Variants in KCNT1 observed in about 807,000 individuals in gnomAD.
KCNT1 encodes the protein potassium channel subfamily T member 1.
Under a neutral mutation model 147.8 loss-of-function variants are expected in KCNT1, and 78 were observed. The ratio of observed to expected loss-of-function variants is 0.53; its 90% CI spans 0.44 to 0.64. The LOEUF is 0.64. Ranked by LOEUF, KCNT1 falls within the 30% of genes least tolerant of loss-of-function variation. KCNT1 has a pLI of 0.00. For missense variants in KCNT1, 1,419 were observed against 1,750.3 expected (o/e 0.81, Z 3.38); for synonymous variants, 867 against 748.8 (o/e 1.16, Z -2.58).
intron 2 of KCNT1, among the ~76,000 whole-genome samples, chr9:135,721,705 T>C (rs1243144161): frequency 6.6e-6 from 1 of 152,242 alleles, no homozygotes; most frequent in Non-Finnish European, 1.5e-5. Flanking sequence ...TTCCATGTGC[T>C]TTACGGTGTC....
intron 2 of KCNT1, among the ~76,000 whole-genome samples, chr9:135,724,600 T>C (rs1182240171): frequency 6.6e-6 from 1 of 152,246 alleles, no homozygotes; most frequent in Non-Finnish European, 1.5e-5. Flanking sequence ...AAATACAGGA[T>C]GCCTGGTTAA....
At chr9:135,708,308 A>G (rs538691602) in intron 1 of KCNT1, among the ~76,000 whole-genome samples, 4 of 152,208 alleles carry the variant, frequency 2.6e-5, no homozygotes, top group African/African-American at 9.7e-5. Context: ...CATGCATGCA[A>G]TCCCATCCAC....
At chr9:135,710,806 CT>C (rs1451362162) in intron 1 of KCNT1, among the ~76,000 whole-genome samples, 1 of 152,174 alleles carries the variant, frequency 6.6e-6, no homozygotes, top group Non-Finnish European at 1.5e-5. Flanking sequence ...TAGTGATGCG[CT>C]CTTGATTGGC....
At chr9:135,739,650 A>G (rs1327592864) in intron 2 of KCNT1, among the ~76,000 whole-genome samples, 2 of 151,948 alleles carry the variant, frequency 1.3e-5, no homozygotes, top group African/African-American at 4.8e-5. Context: ...CTTGCCCCAG[A>G]TGGCCTCTCT....
At chr9:135,729,674 T>C (rs1382162875) in intron 2 of KCNT1, among the ~76,000 whole-genome samples, 2 of 152,218 alleles carry the variant, frequency 1.3e-5, no homozygotes, top group African/African-American at 4.8e-5. Flanking sequence ...ACGTGTCCGG[T>C]GGCCTCTCTG....
chr9:135,708,452 A>G (rs1453330227), intron 1 of KCNT1, among the ~76,000 whole-genome samples: 1 of 152,190 alleles, frequency 6.6e-6, no homozygotes, highest in Non-Finnish European at 1.5e-5. Flanking sequence ...TCTGTCAAAC[A>G]TGGCTCGCCC....
intron 2 of KCNT1, among the ~76,000 whole-genome samples, chr9:135,747,990 A>G (rs990866907): frequency 2.0e-5 from 3 of 152,066 alleles, no homozygotes; most frequent in Non-Finnish European, 4.4e-5. Flanking sequence ...CACCTAGGCT[A>G]GGGTGCAGTG....
chr9:135,723,519 G>T (rs180794655), intron 2 of KCNT1, among the ~76,000 whole-genome samples: 1 of 152,338 alleles, frequency 6.6e-6, no homozygotes, highest in Non-Finnish European at 1.5e-5. Flanking sequence ...TGAGCGTGTG[G>T]CTCCCGAAGG....
chr9:135,780,629 C>T (rs1833543393), intron 24 of KCNT1, among the ~76,000 whole-genome samples: 1 of 152,222 alleles, frequency 6.6e-6, no homozygotes, highest in African/African-American at 2.4e-5. Flanking sequence ...TGCTCGGGCA[C>T]CTGGTCTCAG....
chr9:135,767,056 G>A (rs759339925), intron 13 of KCNT1, among the ~76,000 whole-genome samples: 10 of 152,142 alleles, frequency 6.6e-5, no homozygotes, highest in Non-Finnish European at 1.3e-4. Context: ...GACACTCCCT[G>A]GAAAACCCTC....
At chr9:135,775,683 A>G (rs1285304441) in intron 20 of KCNT1, among the ~76,000 whole-genome samples, 1 of 152,168 alleles carries the variant, frequency 6.6e-6, no homozygotes, top group African/African-American at 2.4e-5. Context: ...GGTTGGAGCC[A>G]CCACACCCCT....
chr9:135,772,846 C>T lies in KCNT1; in HGVS notation c.2140C>T (p.Leu714=). 6.5e-7 allele frequency: 1 copy of T among 1,544,806 alleles called. No individual in the cohort carries two copies. Among genetic ancestry groups the T allele is most frequent in the African/African-American group, 1.4e-5 (1 of 73,094 alleles). ...CCGGCGGCCCAGCATCGCGCCCGTC[C>T]TGGAACTGGCCGACAGCTCAGCCCT... ...GSRRPSIAPV[L]ELADSSALLP... Residue 714 remains leucine, a synonymous_variant, in exon 19 of 31, where the codon CTG becomes TTG. Transcript: ENST00000371757.
At chr9:135,783,520 G>T (rs1291074535) in intron 24 of KCNT1, among the ~76,000 whole-genome samples, 1 of 152,220 alleles carries the variant, frequency 6.6e-6, no homozygotes, top group African/African-American at 2.4e-5. Context: ...GCGGTCATTT[G>T]TTACGGGAGC....
At chr9:135,729,462 C>T (rs1281244581) in intron 2 of KCNT1, among the ~76,000 whole-genome samples, 1 of 152,268 alleles carries the variant, frequency 6.6e-6, no homozygotes, top group African/African-American at 2.4e-5. Flanking sequence ...GATGCGGGCC[C>T]AGCCCTGCGG....
In KCNT1 at chr9:135,774,703, G is replaced by A. The variant is rs553566384; in HGVS notation, c.2244-607G>A. On this transcript the variant is annotated intron_variant, in intron 19 of 30. Coordinates refer to ENST00000371757, the MANE Select transcript of KCNT1 (RefSeq NM_020822.3). ...ACGTGGTGCACGTGTGCATACGCCT[G>A]CATGTGTTCATTTCTGTGCGCATGT... is the stretch of plus-strand genomic sequence containing the variant. Among the ~76,000 whole-genome samples the A allele has an allele frequency of 7.9e-5, 12 of 152,248 alleles. No individual in the cohort carries two copies. In the East Asian group the frequency reaches 2.3e-3, roughly 29 times the overall value.
rs1834640968 is a variant in KCNT1, at chr9:135,792,846, G to GAACTGTCC, written c.*686_*693dup. 1 of 152,208 alleles carries GAACTGTCC rather than the reference G, an allele frequency of 6.6e-6. No homozygotes were observed. The highest frequency in any genetic ancestry group is 1.5e-5 in the Non-Finnish European group (1 of 68,060). 9.4% of individuals were successfully genotyped at this position (152,208 alleles called of 1,614,324 possible). ...GACGCCATTTCCTCTACTTCACACT[G>GAACTGTCC]AACTGTCCCAGCCACTGCATCTAGG... On this transcript the variant is annotated 3_prime_UTR_variant, in exon 31 of 31. Coordinates refer to ENST00000371757, the MANE Select transcript of KCNT1 (RefSeq NM_020822.3).
chr9:135,721,818 A>G (rs1294789125), intron 2 of KCNT1, among the ~76,000 whole-genome samples: 2 of 152,180 alleles, frequency 1.3e-5, no homozygotes, highest in African/African-American at 2.4e-5. Flanking sequence ...GCTGGAGGCC[A>G]GGCCTGCTCG....
chr9:135,763,921 G>C (rs1048286226), intron 11 of KCNT1, among the ~76,000 whole-genome samples: 1 of 152,108 alleles, frequency 6.6e-6, no homozygotes, highest in Non-Finnish European at 1.5e-5. Flanking sequence ...GAGCCCTGGG[G>C]TGTCTGACAG....
At chr9:135,748,476 T>C (rs1830965326) in intron 2 of KCNT1, among the ~76,000 whole-genome samples, 1 of 152,228 alleles carries the variant, frequency 6.6e-6, no homozygotes, top group Admixed American at 6.5e-5. Flanking sequence ...CATCAAATTC[T>C]CAGATTCGAT....
Sources: allele counts gnomAD v4.1 joint callset (sites outside exome capture counted in the v4.1 genomes callset), GRCh38; gene constraint gnomAD v4.1.1; transcripts MANE v1.5; gene names NCBI Gene and HGNC (gene_info 2026-07-23, HGNC 2026-07-21).